The following SPATA7 variants were observed in gnomAD, a reference collection of about 807,000 sequenced individuals.
SPATA7 encodes spermatogenesis associated 7.
A neutral mutation model predicts 51.8 loss-of-function variants in SPATA7; 43 were observed. The observed-to-expected ratio is 0.83, with a 90% CI of 0.65 to 1.07. The LOEUF is 1.07. SPATA7 is among the 50% of genes least tolerant of loss of function. The probability of loss-of-function intolerance (pLI) is 0.00; values close to 1 mark genes in which losing one functional copy is unlikely to be tolerated. For synonymous variants in SPATA7, 230 were observed against 252.8 expected (o/e 0.91, Z 0.86); for missense variants, 683 against 701.3 (o/e 0.97, Z 0.30).
intron 4 of SPATA7, among the ~76,000 whole-genome samples, chr14:88,463,627 A>G (rs953409969): frequency 1.3e-5 from 2 of 152,184 alleles, no homozygotes; most frequent in African/African-American, 4.8e-5. Context: ...TAAGAAGGCT[A>G]ACACCAAGAG....
At chr14:88,424,321 GA>G (rs1396033097) in intron 5 of SPATA7, among the ~76,000 whole-genome samples, 1 of 152,050 alleles carries the variant, frequency 6.6e-6, no homozygotes, top group East Asian at 1.9e-4. Flanking sequence ...TCCAAGGAAA[GA>G]AAAAATAGGA....
chr14:88,387,168 G>A (rs1356516659), intron 1 of SPATA7, among the ~76,000 whole-genome samples: 1 of 152,174 alleles, frequency 6.6e-6, no homozygotes, highest in Non-Finnish European at 1.5e-5. Context: ...TAAATCTGAA[G>A]CCAATGCATT....
intron 4 of SPATA7, among the ~76,000 whole-genome samples, chr14:88,412,113 T>C (rs989589903): frequency 4.6e-5 from 7 of 152,196 alleles, no homozygotes; most frequent in African/African-American, 1.7e-4. Context: ...TCTCTGATGA[T>C]TAGTGATGTT....
At chr14:88,428,660 A>G (rs2076860776) in intron 7 of SPATA7, 2 of 152,210 alleles carry the variant, frequency 1.3e-5, no homozygotes, top group East Asian at 3.8e-4. Context: ...CTTTGCAGAT[A>G]ACTACGTAAA....
At chr14:88,415,785 A>G (rs755434771) in intron 4 of SPATA7, 6 of 152,176 alleles carry the variant, frequency 3.9e-5, no homozygotes, top group Non-Finnish European at 7.3e-5. Flanking sequence ...CCTATAGGCT[A>G]GGTGATGTAG....
At chr14:88,409,414 T>C (rs1190895828) in intron 4 of SPATA7, among the ~76,000 whole-genome samples, 1 of 152,226 alleles carries the variant, frequency 6.6e-6, no homozygotes, top group Non-Finnish European at 1.5e-5. Flanking sequence ...TGGTAGTTTG[T>C]ATTTCTGTGG....
At chr14:88,415,502 TAAATA>T (rs2076452606) in intron 4 of SPATA7, among the ~76,000 whole-genome samples, 1 of 151,674 alleles carries the variant, frequency 6.6e-6, no homozygotes, top group Non-Finnish European at 1.5e-5. Flanking sequence ...TGTTTTTTTT[TAAATA>T]AAATATTATT....
rs1423426896 is a variant in SPATA7 at position 88,437,967 on chromosome 14, C to T, written c.1345C>T (p.Pro449Ser). The T allele has an allele frequency of 3.7e-6, 6 of 1,613,794 alleles. No homozygotes were observed. In the South Asian group the frequency reaches 5.5e-5, roughly 15 times the overall value. The change falls in exon 12 of 12, where the codon CCA (proline) becomes TCA (serine). Residue 449 changes from proline (P) to serine (S), a missense_variant. Coordinates refer to ENST00000393545, the MANE Select transcript of SPATA7 (RefSeq NM_018418.5). ...TTTTGAAAAGGCTGGGAATTCAGAA[C>T]CAAATGAATTAAAAAATGAAAGTGA... is the stretch of plus-strand genomic sequence containing the variant. ...FDFEKAGNSE[P>S]NELKNESEVT...
At chr14:88,424,494 T>C (rs1041931736) in intron 5 of SPATA7, among the ~76,000 whole-genome samples, 1 of 152,226 alleles carries the variant, frequency 6.6e-6, no homozygotes, top group Admixed American at 6.5e-5. Context: ...TAAATAACCA[T>C]TACCGATAAC....
Position 88,438,331 on chromosome 14 carries a change from C to T in SPATA7, c.1709C>T (p.Ser570Phe), listed in dbSNP as rs1309229612. ...NTSPSQSVQF[S>F]SVKGDNNHDM... Reference sequence around the variant, plus strand: ...TCACCCTCCCAATCTGTTCAGTTCTCCAGTGTCAAAGGCGACAATAATCAT... The same window carrying T: ...TCACCCTCCCAATCTGTTCAGTTCTTCAGTGTCAAAGGCGACAATAATCAT... The change falls in exon 12 of 12, where the codon TCC becomes TTC. Residue 570 changes from serine to phenylalanine, a missense_variant. By Grantham distance (155) the Ser-to-Phe change is radical. Coordinates refer to ENST00000393545, the MANE Select transcript of SPATA7 (RefSeq NM_018418.5). 1.9e-6 allele frequency: 3 copies of T among 1,613,960 alleles called. No individual in the cohort carries two copies. Among genetic ancestry groups the T allele is most frequent in the Non-Finnish European group, 2.5e-6 (3 of 1,179,950 alleles).
At chr14:88,397,143 G>T (rs1295482531) in intron 4 of SPATA7, among the ~76,000 whole-genome samples, 2 of 152,108 alleles carry the variant, frequency 1.3e-5, no homozygotes, top group African/African-American at 4.8e-5. Context: ...ACCTGACTCA[G>T]TCCCCCAAAG....
chr14:88,411,844 A>AT (rs138390771), intron 4 of SPATA7, among the ~76,000 whole-genome samples: 5,353 of 152,008 alleles, frequency 0.035, 306 homozygotes, highest in African/African-American at 0.12. Flanking sequence ...TGGTAGAATG[A>AT]TTTTTTGGGG....
Position 88,432,891 on chromosome 14 carries a change from TATGGA to T in SPATA7, c.1083-243_1083-239del, listed in dbSNP as rs2076978639. 3 of 432,552 alleles carry T rather than the reference TATGGA, an allele frequency of 6.9e-6. No individual in the cohort carries two copies. In the South Asian group the frequency reaches 1.0e-4, roughly 15 times the overall value. The allele number at this position is 432,552 out of a possible 1,614,324, so 26.8% of individuals were successfully genotyped here. ...TTTAATTCTGCTTGTTTTTTACTGC[TATGGA>T]TGTTGCAGATATCTGTGAAATTTTA... On this transcript the variant is annotated intron_variant, in intron 9 of 11. Transcript: ENST00000393545.
At chr14:88,397,116 C>T (rs925364753) in intron 4 of SPATA7, among the ~76,000 whole-genome samples, 7 of 152,152 alleles carry the variant, frequency 4.6e-5, no homozygotes, top group Non-Finnish European at 7.3e-5. Flanking sequence ...TCTCAAACTC[C>T]TGAGCTCAAG....
chr14:88,402,267 G>A (rs570616747), intron 4 of SPATA7, among the ~76,000 whole-genome samples: 47 of 152,232 alleles, frequency 3.1e-4, no homozygotes, highest in Non-Finnish European at 5.3e-4. Flanking sequence ...AAATCCCAAA[G>A]ACATTCTTTA....
chr14:88,465,198 G>T (rs964711698), intron 4 of SPATA7, among the ~76,000 whole-genome samples: 2 of 152,172 alleles, frequency 1.3e-5, no homozygotes, highest in African/African-American at 4.8e-5. Flanking sequence ...TGGACACAGT[G>T]GCTCACGCCT....
Position 88,469,131 on chromosome 14 carries a change from G to A in SPATA7, c.255-716G>A. The A allele has an allele frequency of 6.5e-7, 1 of 1,537,100 alleles. No homozygotes were observed. The highest frequency in any genetic ancestry group is 8.9e-7 in the Non-Finnish European group (1 of 1,128,388). On this transcript the variant is annotated intron_variant, in intron 4 of 4. Coordinates refer to the SPATA7 transcript ENST00000556406. The surrounding 1 kb of genome is among the most constrained non-coding windows in gnomAD (Gnocchi z 4.3). Reference sequence around the variant, plus strand: ...CTCAAGGATCAAGGCGTATCACATTGTTGACTCAATCTTCATATTCTCTCC... The same window carrying A: ...CTCAAGGATCAAGGCGTATCACATTATTGACTCAATCTTCATATTCTCTCC...
chr14:88,432,186 A>ATT (rs2076960637), intron 9 of SPATA7, among the ~76,000 whole-genome samples: 1 of 152,094 alleles, frequency 6.6e-6, no homozygotes, highest in African/African-American at 2.4e-5. Context: ...CTTTGCAGAT[A>ATT]TTTTATTTGT....
intron 5 of SPATA7, among the ~76,000 whole-genome samples, chr14:88,422,495 C>T (rs1350893375): frequency 6.6e-6 from 1 of 150,936 alleles, no homozygotes. Flanking sequence ...GTATAAATTA[C>T]TAATTAAATT....
Sources: gnomAD v4.1 joint callset for allele counts (sites outside exome capture counted in the v4.1 genomes callset) on GRCh38, gnomAD v4.1.1 for gene constraint, Gnocchi (gnomAD v3.1) non-coding constraint, MANE v1.5 for transcripts, NCBI Gene and HGNC (gene_info 2026-07-23, HGNC 2026-07-21) for gene names.